Variants in PPM1K observed in about 807,000 individuals in gnomAD.
The protein encoded by PPM1K is protein phosphatase Mn(2+)-dependent 1K.
PPM1K carries 19 observed loss-of-function variants against 32.6 expected under a neutral mutation model. That is an observed-to-expected ratio of 0.58 (90% CI 0.41 to 0.86). The LOEUF is 0.86. Ranked by LOEUF, PPM1K falls within the 40% of genes least tolerant of loss-of-function variation. The probability of loss-of-function intolerance (pLI) is 0.00; values close to 1 mark genes in which losing one functional copy is unlikely to be tolerated. For synonymous variants in PPM1K, 159 were observed against 165.3 expected, an observed-to-expected ratio of 0.96 and a Z score of 0.29; for missense variants, 362 against 461.2, an observed-to-expected ratio of 0.78 and a Z score of 1.97.
At position 88,278,426 on chromosome 4, in the gene PPM1K, T is replaced by C. The variant is rs1365166188; in HGVS notation, c.158A>G (p.Asp53Gly). 2.5e-6 allele frequency: 4 copies of C among 1,614,068 alleles called. No homozygotes were observed. The highest frequency in any genetic ancestry group is 3.4e-6 in the Non-Finnish European group (4 of 1,180,042). ...SEPRCSRFDP[D>G]GSGSPATWDN... ...CCAGGTAGCTGGACTCCCACTACCA[T>C]CTGGGTCAAACCGAGAACACCTAGG... Residue 53 changes from aspartate to glycine, a missense_variant, in exon 2 of 7, where the codon GAT becomes GGT. Physicochemically the swap from Asp to Gly is moderately conservative, Grantham distance 94 (BLOSUM62 -1). Transcript: ENST00000608933. This position sits in a 1 kb window ranked among gnomAD's most constrained non-coding sequence, Gnocchi z 4.2.
chr4:88,265,234 T>G, intron 5 of PPM1K, 99 bp from the exon 6 acceptor site: 1 of 1,374,350 alleles, frequency 7.3e-7, no homozygotes, highest in Non-Finnish European at 1.0e-6. Context: ...AGCGGTCATC[T>G]GTGTAACAGC....
chr4:88,280,755 G>T (rs1361240469), intron 1 of PPM1K, among the ~76,000 whole-genome samples: 1 of 151,830 alleles, frequency 6.6e-6, no homozygotes, highest in East Asian at 1.9e-4. Flanking sequence ...AAAATGAGGT[G>T]GACAGATTGC....
chr4:88,273,679 CAA>C (rs72431742), intron 3 of PPM1K, among the ~76,000 whole-genome samples: 22 of 101,082 alleles, frequency 2.2e-4, no homozygotes, highest in Non-Finnish European at 2.4e-4. Context: ...AAAACTGTCT[CAA>C]AAAAAAAAAA....
At chr4:88,283,464 A>C (rs1244031402) in intron 1 of PPM1K, among the ~76,000 whole-genome samples, 1 of 151,938 alleles carries the variant, frequency 6.6e-6, no homozygotes, top group African/African-American at 2.4e-5. Flanking sequence ...TCTGAAACCG[A>C]AGGACAGCCT....
chr4:88,272,701 G>T (rs1731612977), intron 3 of PPM1K, among the ~76,000 whole-genome samples: 1 of 152,138 alleles, frequency 6.6e-6, no homozygotes, highest in East Asian at 1.9e-4. Flanking sequence ...CTAAGGACAG[G>T]TTGAAAATGC....
chr4:88,266,015 T>C (rs1447042760), intron 5 of PPM1K, among the ~76,000 whole-genome samples: 1 of 152,202 alleles, frequency 6.6e-6, no homozygotes. Context: ...AAAATGGGGA[T>C]AGTAGTACTT....
chr4:88,266,891 G>A (rs1488495759), intron 5 of PPM1K, among the ~76,000 whole-genome samples: 10 of 148,260 alleles, frequency 6.7e-5, no homozygotes, highest in Non-Finnish European at 6.0e-5. Flanking sequence ...GGTGATGCTG[G>A]CTGTGTGCAG....
chr4:88,272,071 T>A (rs563512301), intron 3 of PPM1K, among the ~76,000 whole-genome samples: 33 of 152,322 alleles, frequency 2.2e-4, no homozygotes, highest in South Asian at 1.5e-3. Flanking sequence ...TTTCAAAGTA[T>A]AATGACCCCT....
At chr4:88,265,223 A>G (rs1344483826) in intron 5 of PPM1K, 88 bp from the exon 6 acceptor site, 3 of 1,507,918 alleles carry the variant, frequency 2.0e-6, no homozygotes, top group Non-Finnish European at 2.7e-6. Flanking sequence ...CTGTTTTGCT[A>G]AGCGGTCATC....
Position 88,265,116 on chromosome 4 carries a change from C to T in PPM1K, c.872G>A (p.Ser291Asn). Residue 291 changes from serine to asparagine, a missense_variant, in exon 6 of 7, where the codon AGC (serine) becomes AAC (asparagine). By Grantham distance (46) the Ser-to-Asn change is conservative. Transcript: ENST00000608933. ...KRIKLHHADD[S>N]FLVLTTDGIN... ...TCCATCTGTGGTGAGGACCAGGAAG[C>T]TGTCATCAGCATGATGTAACTGCAA... 1 of 1,614,168 alleles carries T rather than the reference C, an allele frequency of 6.2e-7. No homozygotes were observed. The highest frequency in any genetic ancestry group is 8.5e-7 in the Non-Finnish European group (1 of 1,180,008).
At chr4:88,266,429 T>C (rs370376697) in intron 5 of PPM1K, among the ~76,000 whole-genome samples, 4 of 151,168 alleles carry the variant, frequency 2.6e-5, no homozygotes, top group African/African-American at 9.7e-5. Flanking sequence ...GTGCAGGTGA[T>C]GCTGGCTGGG....
At chr4:88,275,573 G>A (rs1485921395) in intron 3 of PPM1K, 5 of 985,252 alleles carry the variant, frequency 5.1e-6, no homozygotes, top group Non-Finnish European at 6.0e-6. Flanking sequence ...GTTTTTGGTT[G>A]GTGGTCACAT....
intron 3 of PPM1K, among the ~76,000 whole-genome samples, chr4:88,273,969 T>C (rs1257194717): frequency 6.6e-6 from 1 of 152,174 alleles, no homozygotes; most frequent in Non-Finnish European, 1.5e-5. Context: ...CTCCTCAAGT[T>C]CATCCATAAA....
At chr4:88,276,089 C>G in intron 3 of PPM1K, 2 of 985,390 alleles carry the variant, frequency 2.0e-6, no homozygotes, top group Non-Finnish European at 2.4e-6. Flanking sequence ...GCAGAGTTAC[C>G]TTCTCCTCTC....
intron 5 of PPM1K, 133 bp downstream of exon 5, chr4:88,268,057 T>C: frequency 1.1e-6 from 1 of 952,000 alleles, no homozygotes; most frequent in Non-Finnish European, 1.6e-6. Flanking sequence ...GAAAAGTTTT[T>C]TTATCCTTCC....
chr4:88,275,376 T>C (rs2110167641), intron 3 of PPM1K: 1 of 978,340 alleles, frequency 1.0e-6, no homozygotes, highest in Non-Finnish European at 1.2e-6. Context: ...AAGGTATCTT[T>C]AGAAAGTTTC....
At chr4:88,280,219 GC>G (rs1192465673) in intron 1 of PPM1K, among the ~76,000 whole-genome samples, 2 of 152,060 alleles carry the variant, frequency 1.3e-5, no homozygotes, top group Admixed American at 6.5e-5. Flanking sequence ...GGAATTACAG[GC>G]ATGCGCCACA....
chr4:88,272,775 C>A (rs1444896424), intron 3 of PPM1K, among the ~76,000 whole-genome samples: 2 of 152,172 alleles, frequency 1.3e-5, no homozygotes, highest in Non-Finnish European at 2.9e-5. Flanking sequence ...TTGTTCTTGC[C>A]ATTTCTTGAT....
Position 88,278,473 on chromosome 4 carries a change from C to A in PPM1K, c.111G>T (p.Thr37=). 1 of 1,614,132 alleles carries A rather than the reference C, an allele frequency of 6.2e-7. No individual in the cohort carries two copies. The highest frequency in any genetic ancestry group is 1.1e-5 in the South Asian group (1 of 91,084). ...LLQDDRRVTP[T]CHSSTSEPRC... is the part of the protein sequence containing the mutation. ...TAGGCTCTGAAGTGGAGCTGTGGCACGTGGGTGTCACCCGCCTGTCGTCCT... is the reference window on the plus strand; with the variant it reads ...TAGGCTCTGAAGTGGAGCTGTGGCAAGTGGGTGTCACCCGCCTGTCGTCCT... The change falls in exon 2 of 7, where the codon ACG becomes ACT. Residue 37 remains threonine, a synonymous_variant. Transcript: ENST00000608933. This position sits in a 1 kb window ranked among gnomAD's most constrained non-coding sequence, Gnocchi z 4.2.
Sources: allele counts gnomAD v4.1 joint callset (sites outside exome capture counted in the v4.1 genomes callset), GRCh38; gene constraint gnomAD v4.1.1; non-coding constraint Gnocchi (gnomAD v3.1); transcripts MANE v1.5; gene names NCBI Gene and HGNC (gene_info 2026-07-23, HGNC 2026-07-21).